Variants in ABCG2 observed in about 807,000 individuals in gnomAD.
ABCG2 encodes the protein broad substrate specificity ATP-binding cassette transporter ABCG2.
Under a neutral mutation model 73.5 loss-of-function variants are expected in ABCG2, and 80 were observed. That is an observed-to-expected ratio of 1.09 (90% CI 0.91 to 1.31). The LOEUF (loss-of-function observed/expected upper bound fraction) is 1.31, where lower values mean the gene tolerates loss of function less well. Among genes scored for constraint, ABCG2 ranks in the 50% most tolerant of loss-of-function variants. The pLI is 0.00. For missense variants in ABCG2, 796 were observed against 786.2 expected (o/e 1.01, Z -0.15); for synonymous variants, 269 against 282.4 (o/e 0.95, Z 0.48).
At chr4:88,100,719 T>C (rs1240755440) in intron 11 of ABCG2, among the ~76,000 whole-genome samples, 1 of 152,172 alleles carries the variant, frequency 6.6e-6, no homozygotes, top group African/African-American at 2.4e-5. Context: ...ACTGTAAGAA[T>C]GCCTTCCGGC....
intron 5 of ABCG2, among the ~76,000 whole-genome samples, chr4:88,125,063 C>G (rs1724290751): frequency 6.6e-6 from 1 of 151,996 alleles, no homozygotes; most frequent in Non-Finnish European, 1.5e-5. Flanking sequence ...AAGGCTGAGG[C>G]AGGTGGATCT....
rs796595137 is a variant in ABCG2 at position 88,113,204 on chromosome 4, TA to T, written c.1194+98del. 6.2e-6 allele frequency: 9 copies of T among 1,444,820 alleles called. No individual in the cohort carries two copies. The African/African-American group carries it at 1.1e-4, about 18-fold the overall frequency. 89.5% of individuals were successfully genotyped at this position (1,444,820 alleles called of 1,614,324 possible). A position where few individuals can be genotyped will look rare whatever the true frequency, so the allele number is the denominator to read the frequency against. ...TCCCAGGTGGAGTGAAGATAACAAATAATTGGAAGGGTGGGTAGAAGATAAA... is the reference window on the plus strand; with the variant it reads ...TCCCAGGTGGAGTGAAGATAACAAATATTGGAAGGGTGGGTAGAAGATAAA... On this transcript the variant is annotated intron_variant, in intron 9 of 15. Transcript: ENST00000237612.
chr4:88,221,475 G>A (rs1042170507), intron 1 of ABCG2, among the ~76,000 whole-genome samples: 11 of 152,176 alleles, frequency 7.2e-5, no homozygotes, highest in African/African-American at 2.7e-4. Context: ...ACAGGAAAAT[G>A]TGGGAAAGTT....
At chr4:88,173,808 G>A (rs929528975) in intron 1 of ABCG2, among the ~76,000 whole-genome samples, 5 of 152,168 alleles carry the variant, frequency 3.3e-5, no homozygotes, top group African/African-American at 4.8e-5. Flanking sequence ...AGAACAGCCC[G>A]GGAAATGTAG....
intron 2 of ABCG2, among the ~76,000 whole-genome samples, chr4:88,138,848 G>C (rs1725419313): frequency 6.6e-6 from 1 of 151,934 alleles, no homozygotes; most frequent in Non-Finnish European, 1.5e-5. Flanking sequence ...CATGCCATTT[G>C]ACCATAAAAA....
At chr4:88,169,579 T>C (rs888029720) in intron 1 of ABCG2, among the ~76,000 whole-genome samples, 1 of 152,152 alleles carries the variant, frequency 6.6e-6, no homozygotes, top group Non-Finnish European at 1.5e-5. Flanking sequence ...GTTAAACCCA[T>C]CATCCACAAG....
At chr4:88,208,216 C>A (rs1344068769) in intron 1 of ABCG2, among the ~76,000 whole-genome samples, 1 of 152,186 alleles carries the variant, frequency 6.6e-6, no homozygotes. Flanking sequence ...TTCACCGAAA[C>A]AATTTACATA....
At chr4:88,213,588 C>G (rs1729684652) in intron 1 of ABCG2, among the ~76,000 whole-genome samples, 2 of 151,920 alleles carry the variant, frequency 1.3e-5, no homozygotes, top group South Asian at 4.1e-4. Flanking sequence ...CCTTTCTCTT[C>G]TATATCATTG....
At chr4:88,231,331 T>C (rs1730457203), upstream of ABCG2, 1 of 152,164 alleles carries the variant, frequency 6.6e-6, no homozygotes, top group South Asian at 2.1e-4. Flanking sequence ...TCTCCACTAC[T>C]AGCTGATTAT....
At chr4:88,107,132 G>T in intron 10 of ABCG2, 52 bp downstream of exon 10, 1 of 1,319,492 alleles carries the variant, frequency 7.6e-7, no homozygotes, top group Non-Finnish European at 1.1e-6. Flanking sequence ...ATTTCAATAA[G>T]CTTGAAGAAA....
intron 5 of ABCG2, among the ~76,000 whole-genome samples, chr4:88,130,825 C>T (rs1247492119): frequency 6.6e-6 from 1 of 152,192 alleles, no homozygotes; most frequent in Non-Finnish European, 1.5e-5. Context: ...TGAACACTTT[C>T]ACGTACAACA....
At chr4:88,223,460 A>G (rs1465681699) in intron 1 of ABCG2, among the ~76,000 whole-genome samples, 4 of 152,090 alleles carry the variant, frequency 2.6e-5, no homozygotes, top group Non-Finnish European at 5.9e-5. Flanking sequence ...TGATGGTTTT[A>G]TAAGGGCCTT....
chr4:88,115,385 G>GT (rs1026231618), intron 7 of ABCG2, among the ~76,000 whole-genome samples: 4 of 149,580 alleles, frequency 2.7e-5, no homozygotes, highest in Non-Finnish European at 4.4e-5. Flanking sequence ...CCGAGTTCAA[G>GT]TGATTCTCCT....
chr4:88,174,813 T>A (rs1020521823), intron 1 of ABCG2, among the ~76,000 whole-genome samples: 1 of 152,262 alleles, frequency 6.6e-6, no homozygotes, highest in African/African-American at 2.4e-5. Context: ...CATGCCTGTG[T>A]CCTGAATGGT....
At position 88,151,396 on chromosome 4, in the gene ABCG2, T is replaced by A. The variant is rs529570070; in HGVS notation, c.-20+6990A>T. 5.3e-5 allele frequency among the ~76,000 whole-genome samples: 8 copies of A among 152,168 alleles called. No homozygotes were observed. In the South Asian group the frequency reaches 6.2e-4, roughly 12 times the overall value. Reference sequence around the variant, plus strand: ...CATGTCAACTACATGAAGATCAATATCCCTGCTCCCTTCCAGTTTATAATT... The same window carrying A: ...CATGTCAACTACATGAAGATCAATAACCCTGCTCCCTTCCAGTTTATAATT... On this transcript the variant is annotated intron_variant, in intron 1 of 15. Coordinates refer to ENST00000237612, the MANE Select transcript of ABCG2 (RefSeq NM_004827.3).
At chr4:88,103,038 C>G (rs574956668) in intron 10 of ABCG2, among the ~76,000 whole-genome samples, 7 of 152,284 alleles carry the variant, frequency 4.6e-5, no homozygotes, top group African/African-American at 1.7e-4. Flanking sequence ...CTTGGCCTCC[C>G]AAAGTGCTGC....
chr4:88,150,577 T>C (rs1213246476), intron 1 of ABCG2, among the ~76,000 whole-genome samples: 2 of 152,320 alleles, frequency 1.3e-5, no homozygotes, highest in Middle Eastern at 3.4e-3. Flanking sequence ...GTGTCCAATC[T>C]TTTGGCTTCC....
At position 88,213,343 on chromosome 4, in the gene ABCG2, C is replaced by T. The variant is rs77565773; in HGVS notation, c.-20+17651G>A. On this transcript the variant is annotated intron_variant, in intron 1 of 15. Transcript: ENST00000515655. ...ACCGAAACATTTTCATCTTTCCCCT[C>T]CCATAGTCATTCTCAGATGATAACC... Among the ~76,000 whole-genome samples the T allele has an allele frequency of 7.4e-3, 1,120 of 152,258 alleles. 3 individuals are homozygous for T. Among genetic ancestry groups the T allele is most frequent in the Admixed American group, 0.011 (174 of 15,286 alleles).
At chr4:88,172,098 C>T (rs772585950) in intron 1 of ABCG2, among the ~76,000 whole-genome samples, 3 of 151,920 alleles carry the variant, frequency 2.0e-5, no homozygotes, top group Non-Finnish European at 4.4e-5. Context: ...AGTTCGAGAC[C>T]AGCCTGGCCA....
Sources: gnomAD v4.1 joint callset for allele counts (sites outside exome capture counted in the v4.1 genomes callset) on GRCh38, gnomAD v4.1.1 for gene constraint, MANE v1.5 for transcripts, NCBI Gene and HGNC (gene_info 2026-07-23, HGNC 2026-07-21) for gene names.